WWOX: variants seen among roughly 807,000 people sequenced by gnomAD.
The protein encoded by WWOX is WW domain containing oxidoreductase.
Under a neutral mutation model 46.2 loss-of-function variants are expected in WWOX, and 69 were observed. The observed-to-expected ratio is 1.49, with a 90% CI of 1.23 to 1.82. The LOEUF (loss-of-function observed/expected upper bound fraction) is 1.82. Ranked by LOEUF, WWOX falls within the 40% of genes most tolerant of loss-of-function variation. The probability of loss-of-function intolerance (pLI) is 0.00; values close to 1 mark genes in which losing one functional copy is unlikely to be tolerated. For synonymous variants in WWOX, 359 were observed against 202.6 expected (o/e 1.77, Z -6.56); for missense variants, 919 against 542.6 (o/e 1.69, Z -6.89).
intron 8 of WWOX, among the ~76,000 whole-genome samples, chr16:78,700,331 A>T: frequency 7.2e-6 from 1 of 138,342 alleles, no homozygotes; most frequent in East Asian, 2.0e-4. Context: ...AGAGAGAGAG[A>T]GAGAGAGAGA....
intron 8 of WWOX, among the ~76,000 whole-genome samples, chr16:79,173,646 A>G (rs1597445239): frequency 6.6e-6 from 1 of 152,152 alleles, no homozygotes; most frequent in Non-Finnish European, 1.5e-5. Context: ...TGAAGAAAAA[A>G]AAAAAACCCA....
intron 8 of WWOX, among the ~76,000 whole-genome samples, chr16:78,963,685 C>G (rs1202074212): frequency 6.6e-6 from 1 of 152,180 alleles, no homozygotes. Context: ...TATGGACTTT[C>G]TGCCAGACAT....
At chr16:78,480,405 T>A (rs2084458301) in intron 8 of WWOX, among the ~76,000 whole-genome samples, 1 of 152,258 alleles carries the variant, frequency 6.6e-6, no homozygotes, top group African/African-American at 2.4e-5. Context: ...ATTAAACATC[T>A]CAACACATTT....
intron 5 of WWOX, among the ~76,000 whole-genome samples, chr16:78,324,064 T>A (rs2080552875): frequency 6.6e-6 from 1 of 152,094 alleles, no homozygotes; most frequent in Non-Finnish European, 1.5e-5. Context: ...ACAGGTAGTT[T>A]AAGTGACTTG....
At chr16:78,977,589 T>C (rs897754435) in intron 8 of WWOX, among the ~76,000 whole-genome samples, 7 of 152,268 alleles carry the variant, frequency 4.6e-5, no homozygotes, top group Admixed American at 1.3e-4. Flanking sequence ...TATAAAATTT[T>C]TGTTGTTACA....
intron 8 of WWOX, chr16:78,825,777 T>C: frequency 3.4e-6 from 2 of 590,402 alleles, no homozygotes; most frequent in South Asian, 3.7e-5. Context: ...AACTAGTACA[T>C]TGATGCTGTT....
intron 5 of WWOX, among the ~76,000 whole-genome samples, chr16:78,298,599 C>G (rs1319176176): frequency 6.6e-6 from 1 of 152,136 alleles, no homozygotes; most frequent in African/African-American, 2.4e-5. Context: ...CGAGACCAGC[C>G]TGACCAACAT....
chr16:78,379,606 G>T (rs143025612), intron 5 of WWOX, among the ~76,000 whole-genome samples: 2 of 152,164 alleles, frequency 1.3e-5, no homozygotes, highest in African/African-American at 4.8e-5. Flanking sequence ...AGAACGCAAG[G>T]CCCACATGCA....
intron 4 of WWOX, among the ~76,000 whole-genome samples, chr16:78,136,109 T>C (rs2033782006): frequency 6.6e-6 from 1 of 152,192 alleles, no homozygotes; most frequent in Non-Finnish European, 1.5e-5. Flanking sequence ...ACATGGTTGG[T>C]TAGCCAAGTT....
intron 8 of WWOX, among the ~76,000 whole-genome samples, chr16:78,627,663 A>T: frequency 6.6e-6 from 1 of 152,262 alleles, no homozygotes; most frequent in South Asian, 2.1e-4. Context: ...GAGAAGAGTC[A>T]TTGACAGGGA....
intron 8 of WWOX, among the ~76,000 whole-genome samples, chr16:78,645,166 G>A (rs7189040): frequency 6.6e-6 from 1 of 151,908 alleles, no homozygotes; most frequent in Non-Finnish European, 1.5e-5. Context: ...CTTTCCTATC[G>A]AAGGGTTTTT....
intron 8 of WWOX, among the ~76,000 whole-genome samples, chr16:78,638,915 C>T (rs776837725): frequency 6.6e-6 from 1 of 152,040 alleles, no homozygotes; most frequent in Admixed American, 6.6e-5. Flanking sequence ...TGAAGAAAAC[C>T]TGAGAGATAT....
At chr16:79,146,639 A>G (rs1185102270) in intron 8 of WWOX, among the ~76,000 whole-genome samples, 3 of 152,238 alleles carry the variant, frequency 2.0e-5, no homozygotes, top group Non-Finnish European at 4.4e-5. Context: ...GAATGCAGCC[A>G]GTACCCTGAG....
At chr16:78,872,431 A>C (rs1339923429) in intron 8 of WWOX, among the ~76,000 whole-genome samples, 1 of 152,154 alleles carries the variant, frequency 6.6e-6, no homozygotes, top group African/African-American at 2.4e-5. Context: ...GAGTTAAAGG[A>C]AAGAAATGCC....
intron 8 of WWOX, among the ~76,000 whole-genome samples, chr16:78,716,826 C>T (rs1356459602): frequency 6.6e-6 from 1 of 152,104 alleles, no homozygotes; most frequent in Non-Finnish European, 1.5e-5. Flanking sequence ...CTGAGCTTAC[C>T]CTCCCTACGC....
intron 5 of WWOX, among the ~76,000 whole-genome samples, chr16:78,355,374 G>A (rs1387294943): frequency 6.6e-6 from 1 of 152,050 alleles, no homozygotes; most frequent in Non-Finnish European, 1.5e-5. Flanking sequence ...AGGCTGAGGC[G>A]GGCGAATCAC....
chr16:79,043,061 A>G (rs1190464285), intron 8 of WWOX, among the ~76,000 whole-genome samples: 1 of 152,118 alleles, frequency 6.6e-6, no homozygotes, highest in Non-Finnish European at 1.5e-5. Context: ...AAGAGTTCCC[A>G]TCATACCTGG....
At chr16:78,955,037 G>T (rs528418828) in intron 8 of WWOX, among the ~76,000 whole-genome samples, 5 of 152,250 alleles carry the variant, frequency 3.3e-5, no homozygotes, top group African/African-American at 1.2e-4. Flanking sequence ...TGATCCTTCT[G>T]CATTGTCCCC....
chr16:78,557,717 C>G (rs547762892), intron 8 of WWOX, among the ~76,000 whole-genome samples: 1 of 76,852 alleles, frequency 1.3e-5, no homozygotes. Context: ...TTTTTTGAGA[C>G]AGGAGTCTCA....
Sources: allele counts gnomAD v4.1 joint callset (sites outside exome capture counted in the v4.1 genomes callset), GRCh38; gene constraint gnomAD v4.1.1; transcripts MANE v1.5; gene names NCBI Gene and HGNC (gene_info 2026-07-23, HGNC 2026-07-21).